TMEM232: variants seen among roughly 807,000 people sequenced by gnomAD.
The protein encoded by TMEM232 is transmembrane protein 232.
Under a neutral mutation model 78.8 loss-of-function variants are expected in TMEM232, and 80 were observed. The ratio of observed to expected loss-of-function variants is 1.01; its 90% confidence interval spans 0.85 to 1.22. The LOEUF is 1.22. TMEM232 is among the 50% of genes most tolerant of loss of function. The pLI, the probability that TMEM232 is intolerant of heterozygous loss-of-function variation, is 0.00. For missense variants in TMEM232, 881 were observed against 742.2 expected, an observed-to-expected ratio of 1.19 and a Z score of -2.17; for synonymous variants, 297 against 254.3, an observed-to-expected ratio of 1.17 and a Z score of -1.60.
At chr5:110,628,693 G>GTGTGTGTGTGTGTGTGTGTGTGTGTT in intron 5 of TMEM232, among the ~76,000 whole-genome samples, 1 of 142,810 alleles carries the variant, frequency 7.0e-6, no homozygotes, top group Non-Finnish European at 1.5e-5. Context: ...GTGTGTGTGT[G>GTGTGTGTGTGTGTGTGTGTGTGTGTT]TGTGTGTATC....
intron 12 of TMEM232, among the ~76,000 whole-genome samples, chr5:110,501,651 T>C (rs2149444121): frequency 6.6e-6 from 1 of 152,298 alleles, no homozygotes; most frequent in Non-Finnish European, 1.5e-5. Flanking sequence ...CCACATTAAC[T>C]GGCTATATTC....
In TMEM232 at chr5:110,574,850, A is replaced by T. The variant is rs564917490; in HGVS notation, c.1277-6225T>A. On this transcript the variant is annotated intron_variant, in intron 10 of 13. Coordinates refer to ENST00000455884, the MANE Select transcript of TMEM232 (RefSeq NM_001039763.4). ...TTAATTTATATCCTTTCACATATAA[A>T]CCATAACCCTGAGTAAAATGACCTT... Among the ~76,000 whole-genome samples the T allele has an allele frequency of 1.2e-4, 18 of 152,128 alleles. No homozygotes were observed. In the East Asian group the frequency reaches 3.3e-3, roughly 28 times the overall value.
chr5:110,420,809 T>C, intron 13 of TMEM232, 53 bp from the exon 14 acceptor site: 1 of 1,476,508 alleles, frequency 6.8e-7, no homozygotes, highest in Non-Finnish European at 8.9e-7. Context: ...AAAATGCATA[T>C]CAGTTTAGCT....
intron 2 of TMEM232, among the ~76,000 whole-genome samples, chr5:110,734,347 C>T (rs941047116): frequency 7.2e-5 from 11 of 152,092 alleles, no homozygotes; most frequent in Admixed American, 7.2e-4. Flanking sequence ...TGGCAGAAGC[C>T]CAAGCGGGCA....
chr5:110,501,295 G>A (rs1385106144), intron 12 of TMEM232, among the ~76,000 whole-genome samples: 2 of 152,096 alleles, frequency 1.3e-5, no homozygotes, highest in Non-Finnish European at 2.9e-5. Context: ...CCTCTTTGAA[G>A]AGATAATATT....
At chr5:110,461,618 T>C (rs918181152) in intron 12 of TMEM232, among the ~76,000 whole-genome samples, 1 of 152,226 alleles carries the variant, frequency 6.6e-6, no homozygotes, top group Non-Finnish European at 1.5e-5. Context: ...GAAGATTTCA[T>C]CTTGGACTTT....
chr5:110,440,756 G>A (rs906480453), intron 12 of TMEM232, among the ~76,000 whole-genome samples: 11 of 152,016 alleles, frequency 7.2e-5, no homozygotes, highest in South Asian at 6.2e-4. Flanking sequence ...GGCAACCTAC[G>A]CACTATCTTC....
intron 2 of TMEM232, among the ~76,000 whole-genome samples, chr5:110,658,439 AG>A (rs1789376454): frequency 6.6e-6 from 1 of 152,166 alleles, no homozygotes; most frequent in Non-Finnish European, 1.5e-5. Context: ...CCTTCTTGGT[AG>A]TTATGAATAA....
At chr5:110,733,536 C>T (rs1003211644) in intron 2 of TMEM232, among the ~76,000 whole-genome samples, 56 of 152,176 alleles carry the variant, frequency 3.7e-4, no homozygotes, top group Non-Finnish European at 1.2e-4. Context: ...TTTGCAGGAA[C>T]ATGGATGGAG....
intron 2 of TMEM232, among the ~76,000 whole-genome samples, chr5:110,399,058 T>G (rs568460359): frequency 6.6e-6 from 1 of 152,012 alleles, no homozygotes; most frequent in African/African-American, 2.4e-5. Context: ...TACTTTTAAT[T>G]AATCCCTTTC....
chr5:110,440,393 A>T (rs1758898744), intron 12 of TMEM232, among the ~76,000 whole-genome samples: 1 of 152,036 alleles, frequency 6.6e-6, no homozygotes, highest in African/African-American at 2.4e-5. Context: ...TTTTTCCTTG[A>T]TTTATCCCCT....
At position 110,620,650 on chromosome 5, in the gene TMEM232, TCTCTCTCTCCTC is replaced by T. The variant is rs1783590494; in HGVS notation, c.769-2100_769-2089del. ...CTCTCTCTCTCTCTCCTCTCTCCTC[TCTCTCTCTCCTC>T]CTCTCTCTCTCTCTCTCTCTCCCTC... On this transcript the variant is annotated intron_variant, in intron 7 of 13. Transcript: ENST00000455884. 7.5e-5 allele frequency among the ~76,000 whole-genome samples: 10 copies of T among 132,560 alleles called. 1 individual carries two copies. Among genetic ancestry groups the T allele is most frequent in the African/African-American group, 2.6e-4 (9 of 34,502 alleles). 87.0% of individuals were successfully genotyped at this position (132,560 alleles called of 152,430 possible). A position where few individuals can be genotyped will look rare whatever the true frequency, so the allele number is the denominator to read the frequency against.
chr5:110,603,053 A>G (rs139640694), intron 10 of TMEM232, among the ~76,000 whole-genome samples: 13,802 of 152,098 alleles, frequency 0.091, 641 homozygotes, highest in Admixed American at 0.13. Context: ...AGAAAACCAA[A>G]CATTGCATGT....
chr5:110,421,260 A>T (rs963127933), intron 13 of TMEM232, among the ~76,000 whole-genome samples: 3 of 152,032 alleles, frequency 2.0e-5, no homozygotes, highest in Non-Finnish European at 4.4e-5. Flanking sequence ...ATTTATCTTA[A>T]TTGGCCATGA....
chr5:110,636,853 A>C (rs942307903), intron 5 of TMEM232, among the ~76,000 whole-genome samples: 4 of 152,086 alleles, frequency 2.6e-5, no homozygotes, highest in Non-Finnish European at 4.4e-5. Context: ...TGCAGCTGCT[A>C]TCAGAACTGG....
At chr5:110,619,518 C>T (rs1783367004) in intron 7 of TMEM232, among the ~76,000 whole-genome samples, 1 of 152,120 alleles carries the variant, frequency 6.6e-6, no homozygotes, top group South Asian at 2.1e-4. Context: ...CTGTACAAAG[C>T]TACTGATTCT....
intron 11 of TMEM232, among the ~76,000 whole-genome samples, chr5:110,546,313 C>G (rs945144936): frequency 7.9e-5 from 12 of 152,140 alleles, no homozygotes; most frequent in African/African-American, 2.9e-4. Flanking sequence ...GGATTTACCA[C>G]TGTTGTAGAT....
At chr5:110,536,130 C>T (rs1237755967) in intron 11 of TMEM232, among the ~76,000 whole-genome samples, 1 of 152,192 alleles carries the variant, frequency 6.6e-6, no homozygotes, top group Non-Finnish European at 1.5e-5. Flanking sequence ...TCTGTCTTTT[C>T]CTTTCCAACG....
intron 12 of TMEM232, among the ~76,000 whole-genome samples, chr5:110,490,721 T>C (rs1260155637): frequency 6.6e-6 from 1 of 151,876 alleles, no homozygotes; most frequent in Non-Finnish European, 1.5e-5. Context: ...GCCAAGACAA[T>C]TGAAAGGAAT....
Sources: gnomAD v4.1 joint callset for allele counts (sites outside exome capture counted in the v4.1 genomes callset) on GRCh38, gnomAD v4.1.1 for gene constraint, MANE v1.5 for transcripts, NCBI Gene and HGNC (gene_info 2026-07-23, HGNC 2026-07-21) for gene names.